TRPM3: variants seen among roughly 807,000 people sequenced by gnomAD.
The protein encoded by TRPM3 is transient receptor potential cation channel subfamily M member 3.
TRPM3 carries 77 observed loss-of-function variants against 181.2 expected under a neutral mutation model. The observed-to-expected ratio is 0.42, with a 90% CI of 0.35 to 0.51. The LOEUF is 0.51. Ranked by LOEUF, TRPM3 falls within the 20% of genes least tolerant of loss-of-function variation. The pLI is 0.01. For missense variants in TRPM3, 1,759 were observed against 2,196.7 expected, an observed-to-expected ratio of 0.80 and a Z score of 3.98; for synonymous variants, 745 against 796.4, an observed-to-expected ratio of 0.94 and a Z score of 1.09.
At chr9:71,325,134 AT>A (rs1423712320) in intron 1 of TRPM3, among the ~76,000 whole-genome samples, 5 of 152,154 alleles carry the variant, frequency 3.3e-5, no homozygotes, top group African/African-American at 9.7e-5. Context: ...ATGTAAAAAA[AT>A]TTCTCACATA....
intron 1 of TRPM3, among the ~76,000 whole-genome samples, chr9:71,105,476 C>T (rs1249318821): frequency 6.6e-6 from 1 of 152,046 alleles, no homozygotes; most frequent in Non-Finnish European, 1.5e-5. Flanking sequence ...CTGGGGTTTC[C>T]TAGGGAATGG....
At chr9:70,641,041 T>C (rs142113924) in intron 9 of TRPM3, among the ~76,000 whole-genome samples, 15 of 152,280 alleles carry the variant, frequency 9.9e-5, no homozygotes, top group Non-Finnish European at 2.2e-4. Context: ...TAGATGTCAA[T>C]AGCATTTTCC....
chr9:71,029,523 T>A (rs1034795160), intron 1 of TRPM3, among the ~76,000 whole-genome samples: 3 of 152,078 alleles, frequency 2.0e-5, no homozygotes, highest in African/African-American at 7.2e-5. Flanking sequence ...CAATAAGAAG[T>A]CTGAGATTTA....
chr9:70,546,247 C>T (rs1244803440), intron 25 of TRPM3, among the ~76,000 whole-genome samples: 1 of 152,164 alleles, frequency 6.6e-6, no homozygotes, highest in Non-Finnish European at 1.5e-5. Context: ...GTATGGTTCC[C>T]AGACAAGCAG....
chr9:70,762,407 A>T (rs1228365472), intron 7 of TRPM3, among the ~76,000 whole-genome samples: 1 of 152,208 alleles, frequency 6.6e-6, no homozygotes, highest in Non-Finnish European at 1.5e-5. Flanking sequence ...TATCTAATCA[A>T]TGCTCAATTA....
chr9:70,960,123 CTTT>C (rs56670058), intron 1 of TRPM3, among the ~76,000 whole-genome samples: 5 of 141,754 alleles, frequency 3.5e-5, no homozygotes, highest in African/African-American at 2.6e-5. Context: ...AACTCTCGTT[CTTT>C]TTTTTTTTTT....
At chr9:70,795,884 A>C (rs963096431) in intron 6 of TRPM3, among the ~76,000 whole-genome samples, 1 of 152,236 alleles carries the variant, frequency 6.6e-6, no homozygotes, top group African/African-American at 2.4e-5. Flanking sequence ...CCTCTGAATA[A>C]TTTCAATAGA....
chr9:70,618,861 C>G lies in TRPM3; in HGVS notation c.2358+6G>C, dbSNP rs779884257. On this transcript the variant is annotated splice_donor_region_variant and intron_variant, in intron 17 of 25. Transcript: ENST00000677713. ...TAGCCAGGAGGGCCTTATTGGGCGC[C>G]CTGACCTTGAGGCCTGAGTTCTTGC... 1.9e-6 allele frequency: 3 copies of G among 1,603,478 alleles called. No individual in the cohort carries two copies. Among genetic ancestry groups the G allele is most frequent in the Non-Finnish European group, 2.5e-6 (3 of 1,179,874 alleles).
chr9:70,833,386 G>C (rs544780564), intron 5 of TRPM3, among the ~76,000 whole-genome samples: 7 of 152,230 alleles, frequency 4.6e-5, no homozygotes, highest in East Asian at 1.9e-4. Context: ...CAAGAGGCAG[G>C]GTAGTGGATG....
At chr9:70,694,204 G>T (rs11142552) in intron 8 of TRPM3, among the ~76,000 whole-genome samples, 22,852 of 152,110 alleles carry the variant, frequency 0.15, 2,241 homozygotes, top group East Asian at 0.39. Context: ...ACCGTATGAG[G>T]TCCTTTTAGT....
intron 1 of TRPM3, among the ~76,000 whole-genome samples, chr9:70,959,949 A>G (rs2097120822): frequency 1.3e-5 from 2 of 152,144 alleles, no homozygotes; most frequent in Non-Finnish European, 1.5e-5. Flanking sequence ...ATAAGTAACT[A>G]TACTGATGAT....
chr9:70,666,738 G>A (rs1301022412), intron 9 of TRPM3, among the ~76,000 whole-genome samples: 3 of 152,036 alleles, frequency 2.0e-5, no homozygotes, highest in African/African-American at 7.3e-5. Flanking sequence ...CTTGGTATAG[G>A]ATTATTTTCA....
chr9:70,846,252 C>G, intron 4 of TRPM3, 126 bp downstream of exon 4: 2 of 834,782 alleles, frequency 2.4e-6, no homozygotes, highest in South Asian at 3.2e-5. Flanking sequence ...TGATAACCAG[C>G]AACTATGGAC....
chr9:71,435,438 A>T (rs2094017960), intron 1 of TRPM3, among the ~76,000 whole-genome samples: 1 of 152,136 alleles, frequency 6.6e-6, no homozygotes, highest in Non-Finnish European at 1.5e-5. Context: ...ACCCAAATTT[A>T]CTGAATATCC....
chr9:70,877,940 T>C (rs544476250), intron 1 of TRPM3, among the ~76,000 whole-genome samples: 176 of 152,136 alleles, frequency 1.2e-3, no homozygotes, highest in African/African-American at 3.9e-3. Context: ...ACTAGTTGGA[T>C]CCCCAAATAA....
At chr9:71,215,977 T>C (rs2079839979) in intron 1 of TRPM3, among the ~76,000 whole-genome samples, 1 of 152,174 alleles carries the variant, frequency 6.6e-6, no homozygotes, top group Non-Finnish European at 1.5e-5. Context: ...TAGCTAAAGA[T>C]GGATCAGAAG....
chr9:70,637,145 C>A (rs892014024), intron 11 of TRPM3, among the ~76,000 whole-genome samples: 3 of 152,160 alleles, frequency 2.0e-5, no homozygotes, highest in Non-Finnish European at 2.9e-5. Flanking sequence ...AGTCAGAGTG[C>A]CTGGCTCTAC....
chr9:71,401,432 T>C lies in TRPM3; in HGVS notation c.183+45221A>G, dbSNP rs561995600. On this transcript the variant is annotated intron_variant, in intron 1 of 24. Coordinates refer to the TRPM3 transcript ENST00000357533. ...GGGCATGCAGATGAAGAACATGGTT[T>C]TGGCAGGCCCAGAGGACAGTAAATA... Among the ~76,000 whole-genome samples, 3 of 152,212 alleles carry C rather than the reference T, an allele frequency of 2.0e-5. No individual in the cohort carries two copies. In the South Asian group the frequency reaches 6.2e-4, roughly 32 times the overall value.
chr9:71,248,565 T>G (rs957825609), intron 1 of TRPM3, among the ~76,000 whole-genome samples: 14 of 152,348 alleles, frequency 9.2e-5, no homozygotes, highest in African/African-American at 3.1e-4. Context: ...ATATTTTTCC[T>G]CATATTTTAA....
Sources: allele counts gnomAD v4.1 joint callset (sites outside exome capture counted in the v4.1 genomes callset), GRCh38; gene constraint gnomAD v4.1.1; transcripts MANE v1.5; gene names NCBI Gene and HGNC (gene_info 2026-07-23, HGNC 2026-07-21).